Variants in SLX4IP observed in about 807,000 individuals in gnomAD.
The protein encoded by SLX4IP is protein SLX4IP.
SLX4IP carries 34 observed loss-of-function variants against 32.9 expected under a neutral mutation model. The ratio of observed to expected loss-of-function variants is 1.03; its 90% confidence interval spans 0.79 to 1.38. The LOEUF is 1.38. Among genes scored for constraint, SLX4IP ranks in the 40% most tolerant of loss-of-function variants. The pLI is 0.00. For synonymous variants in SLX4IP, 172 were observed against 171.7 expected (o/e 1.00, Z -0.01); for missense variants, 444 against 479.0 (o/e 0.93, Z 0.68).
intron 2 of SLX4IP, among the ~76,000 whole-genome samples, chr20:10,529,924 A>G (rs942067663): frequency 1.3e-5 from 2 of 152,206 alleles, no homozygotes; most frequent in Non-Finnish European, 2.9e-5. Context: ...TGCAGTCTAC[A>G]GAGGTTCCAT....
intron 3 of SLX4IP, among the ~76,000 whole-genome samples, chr20:10,557,572 C>T (rs1253198766): frequency 6.6e-6 from 1 of 152,210 alleles, no homozygotes; most frequent in Non-Finnish European, 1.5e-5. Flanking sequence ...ACTCGTTTCC[C>T]CAAAGTGACC....
In SLX4IP at chr20:10,535,873, A is replaced by G. The variant is rs542803114; in HGVS notation, c.28-20358A>G. ...AAAAGCAAATATTGAGTAAATTTGC[A>G]TAGCAGATCAAATGCTTTCAAAGGG... On this transcript the variant is annotated intron_variant, in intron 2 of 7. Transcript: ENST00000334534. Among the ~76,000 whole-genome samples the G allele has an allele frequency of 3.3e-5, 5 of 152,358 alleles. No individual in the cohort carries two copies. In the South Asian group the frequency reaches 1.0e-3, roughly 32 times the overall value.
chr20:10,617,652 C>CTTTTTTTTTTTTTTTT (rs549525000), intron 6 of SLX4IP, among the ~76,000 whole-genome samples: 12 of 112,744 alleles, frequency 1.1e-4, no homozygotes, highest in East Asian at 2.5e-4. Context: ...TTCTTTCTTT[C>CTTTTTTTTTTTTTTTT]TTTTTTTTTT....
chr20:10,582,087 G>T (rs2066593387), intron 4 of SLX4IP, among the ~76,000 whole-genome samples: 1 of 152,188 alleles, frequency 6.6e-6, no homozygotes, highest in South Asian at 2.1e-4. Flanking sequence ...CCAGGGAATG[G>T]TGAATTCTCA....
chr20:10,618,496 G>A (rs1258196458), intron 6 of SLX4IP, among the ~76,000 whole-genome samples: 1 of 152,202 alleles, frequency 6.6e-6, no homozygotes, highest in Non-Finnish European at 1.5e-5. Flanking sequence ...TTTATTCCTT[G>A]GCCCAAGTGT....
intron 2 of SLX4IP, among the ~76,000 whole-genome samples, chr20:10,508,755 A>T (rs549829512): frequency 6.6e-6 from 1 of 152,074 alleles, no homozygotes; most frequent in African/African-American, 2.4e-5. Context: ...CCTGCTTCTA[A>T]CTCTGCTTCA....
intron 1 of SLX4IP, among the ~76,000 whole-genome samples, chr20:10,437,779 A>C (rs1568680883): frequency 6.6e-6 from 1 of 152,242 alleles, no homozygotes; most frequent in Non-Finnish European, 1.5e-5. Flanking sequence ...TACAAGTACA[A>C]TATTCATTGC....
chr20:10,594,902 A>AT (rs1267917059), intron 4 of SLX4IP, among the ~76,000 whole-genome samples: 7 of 151,952 alleles, frequency 4.6e-5, no homozygotes, highest in East Asian at 3.9e-4. Context: ...CCACCTCTCC[A>AT]TTTTTTTTAA....
intron 2 of SLX4IP, among the ~76,000 whole-genome samples, chr20:10,506,518 C>T (rs996374366): frequency 2.0e-5 from 3 of 152,162 alleles, no homozygotes; most frequent in Non-Finnish European, 2.9e-5. Context: ...TGCTCAAACT[C>T]TCTGGCTCTC....
At chr20:10,441,972 T>C (rs137863237) in intron 1 of SLX4IP, among the ~76,000 whole-genome samples, 1 of 152,324 alleles carries the variant, frequency 6.6e-6, no homozygotes, top group East Asian at 1.9e-4. Context: ...TGAAATGATT[T>C]CTCATTCTTG....
chr20:10,575,364 G>A (rs1306737776), intron 4 of SLX4IP, among the ~76,000 whole-genome samples: 2 of 152,080 alleles, frequency 1.3e-5, no homozygotes, highest in Non-Finnish European at 2.9e-5. Context: ...TTGTCTGAAC[G>A]GTTTAGCTGC....
chr20:10,577,619 G>A (rs2066536690), intron 4 of SLX4IP, among the ~76,000 whole-genome samples: 1 of 152,226 alleles, frequency 6.6e-6, no homozygotes, highest in African/African-American at 2.4e-5. Flanking sequence ...TGCTCAGGAG[G>A]CTGAGGCAGG....
intron 2 of SLX4IP, among the ~76,000 whole-genome samples, chr20:10,509,968 C>T (rs1466919423): frequency 6.6e-6 from 1 of 152,138 alleles, no homozygotes; most frequent in Non-Finnish European, 1.5e-5. Context: ...TGAGCCACTG[C>T]ACCAGCCTGA....
chr20:10,622,477 T>C (rs2067122724), intron 7 of SLX4IP, among the ~76,000 whole-genome samples, 182 bp from the exon 8 acceptor site: 1 of 152,200 alleles, frequency 6.6e-6, no homozygotes, highest in African/African-American at 2.4e-5. Context: ...GGTTTTTGCT[T>C]GATTCAGTCT....
At chr20:10,602,437 C>A (rs757867142) in intron 6 of SLX4IP, among the ~76,000 whole-genome samples, 12 of 152,182 alleles carry the variant, frequency 7.9e-5, no homozygotes, top group Admixed American at 7.9e-4. Flanking sequence ...AAAACTGACT[C>A]AGAATTGCAG....
chr20:10,558,681 TC>T (rs1454511806), intron 3 of SLX4IP, among the ~76,000 whole-genome samples: 2 of 152,230 alleles, frequency 1.3e-5, no homozygotes, highest in Non-Finnish European at 2.9e-5. Context: ...GTCAAACTGT[TC>T]CATGTGTCAA....
chr20:10,512,628 A>C (rs1037458987), intron 2 of SLX4IP, among the ~76,000 whole-genome samples: 2 of 144,486 alleles, frequency 1.4e-5, no homozygotes, highest in South Asian at 4.2e-4. Flanking sequence ...AGTATTATAT[A>C]TTATATATAG....
At chr20:10,620,264 TG>T (rs2067092443) in intron 6 of SLX4IP, among the ~76,000 whole-genome samples, 1 of 152,262 alleles carries the variant, frequency 6.6e-6, no homozygotes, top group African/African-American at 2.4e-5. Flanking sequence ...ACACCTTGTA[TG>T]GATTATCTAC....
chr20:10,466,650 G>C (rs1354538575), intron 2 of SLX4IP, among the ~76,000 whole-genome samples: 1 of 152,086 alleles, frequency 6.6e-6, no homozygotes, highest in African/African-American at 2.4e-5. Flanking sequence ...CTTCTACAGG[G>C]AATGTGTAAT....
Sources: gnomAD v4.1 joint callset for allele counts (sites outside exome capture counted in the v4.1 genomes callset) on GRCh38, gnomAD v4.1.1 for gene constraint, MANE v1.5 for transcripts, NCBI Gene and HGNC (gene_info 2026-07-23, HGNC 2026-07-21) for gene names.